The following MED15 variants were observed in gnomAD, a reference collection of about 807,000 sequenced individuals.
The protein encoded by MED15 is mediator complex subunit 15.
A neutral mutation model predicts 118.7 loss-of-function variants in MED15; 41 were observed. The observed-to-expected ratio is 0.35, with a 90% CI of 0.27 to 0.45. MED15 has a LOEUF of 0.45. MED15 is among the 20% of genes least tolerant of loss of function. The pLI is 1.00. For synonymous variants in MED15, 436 were observed against 413.9 expected (o/e 1.05, Z -0.65); for missense variants, 740 against 1,025.5 (o/e 0.72, Z 3.80).
intron 6 of MED15, among the ~76,000 whole-genome samples, chr22:20,565,547 G>A (rs1439694667): frequency 1.3e-5 from 2 of 152,208 alleles, no homozygotes; most frequent in Non-Finnish European, 2.9e-5. Flanking sequence ...CCTCACAGCA[G>A]GTCTTGGTTG....
chr22:20,570,746 CTTTTTTTTTTT>C (rs61109389), intron 8 of MED15, among the ~76,000 whole-genome samples: 25 of 62,106 alleles, frequency 4.0e-4, no homozygotes, highest in South Asian at 1.8e-3. Flanking sequence ...TTCTTTCTTT[CTTTTTTTTTTT>C]TTTTTTTTTT....
At position 20,562,445 on chromosome 22, in the gene MED15, C is replaced by T. The variant is rs1036966709; in HGVS notation, c.452-2005C>T. On this transcript the variant is annotated intron_variant, in intron 5 of 17. Transcript: ENST00000263205. ...TGTCACCCAGGCTGGAGTGCAGTGGCGCGATCTCGGCTCACTGCAACCTCT... is the reference window on the plus strand; with the variant it reads ...TGTCACCCAGGCTGGAGTGCAGTGGTGCGATCTCGGCTCACTGCAACCTCT... Among the ~76,000 whole-genome samples the T allele has an allele frequency of 3.3e-5, 5 of 152,114 alleles. No individual in the cohort carries two copies. The South Asian group carries it at 6.2e-4, about 19-fold the overall frequency.
intron 1 of MED15, among the ~76,000 whole-genome samples, chr22:20,519,255 GGA>G (rs937110559): frequency 7.2e-5 from 11 of 152,166 alleles, no homozygotes; most frequent in African/African-American, 2.6e-4. Flanking sequence ...ACCCCATAAG[GGA>G]GATGTTCGCC....
intron 1 of MED15, among the ~76,000 whole-genome samples, chr22:20,513,310 C>T (rs1168262177): frequency 6.7e-6 from 1 of 149,848 alleles, no homozygotes; most frequent in Non-Finnish European, 1.5e-5. Flanking sequence ...GACGGAGTCT[C>T]GCCCTGTGGC....
intron 8 of MED15, among the ~76,000 whole-genome samples, chr22:20,572,091 C>T (rs1011020201): frequency 6.6e-6 from 1 of 152,154 alleles, no homozygotes; most frequent in Non-Finnish European, 1.5e-5. Context: ...TAATAATTTC[C>T]GATTTTTTGC....
At chr22:20,526,780 A>AC (rs2054661232) in intron 1 of MED15, among the ~76,000 whole-genome samples, 1 of 152,092 alleles carries the variant, frequency 6.6e-6, no homozygotes, top group African/African-American at 2.4e-5. Flanking sequence ...CCCTTCTGGA[A>AC]CCCTCTAGGC....
chr22:20,537,212 C>T lies in MED15; in HGVS notation c.156+8C>T, dbSNP rs781683161. Reference sequence around the variant, plus strand: ...CTGAAGGCCAAGACCCGGGTAAGGCCCTAGTAAGTGGAGCCACTCTGGCAG... The same window carrying T: ...CTGAAGGCCAAGACCCGGGTAAGGCTCTAGTAAGTGGAGCCACTCTGGCAG... On this transcript the variant is annotated splice_region_variant and intron_variant, in intron 2 of 17. Coordinates refer to ENST00000263205, the MANE Select transcript of MED15 (RefSeq NM_001003891.3). 10 of 1,594,964 alleles carry T rather than the reference C, an allele frequency of 6.3e-6. No homozygotes were observed. Among genetic ancestry groups the T allele is most frequent in the Non-Finnish European group, 7.7e-6 (9 of 1,170,878 alleles).
chr22:20,569,190 G>T (rs923380668), intron 8 of MED15, among the ~76,000 whole-genome samples: 13 of 152,194 alleles, frequency 8.5e-5, no homozygotes, highest in African/African-American at 3.1e-4. Context: ...GTCTCTGTGT[G>T]TCACGTGTTA....
chr22:20,581,420 G>A (rs190788778), intron 9 of MED15, among the ~76,000 whole-genome samples: 1 of 152,186 alleles, frequency 6.6e-6, no homozygotes, highest in African/African-American at 2.4e-5. Flanking sequence ...CTTGGGGGGT[G>A]GTGTGAGCCG....
intron 4 of MED15, chr22:20,554,722 C>A: frequency 2.1e-6 from 1 of 475,604 alleles, no homozygotes; most frequent in South Asian, 4.0e-5. Flanking sequence ...CCAGGCCAGG[C>A]TAGAGGTATG....
Position 20,511,988 on chromosome 22 carries a change from C to CTT in MED15, c.68+4258_68+4259dup, listed in dbSNP as rs746240328. 7.4e-4 allele frequency among the ~76,000 whole-genome samples: 68 copies of CTT among 92,186 alleles called. 2 individuals are homozygous for CTT. The highest frequency in any genetic ancestry group is 1.3e-3 in the African/African-American group (25 of 18,560). The allele number at this position is 92,186 out of a possible 152,430, so 60.5% of individuals were successfully genotyped here. ...CTTTCAGCTTCTTGAACATTCTAAG[C>CTT]TTTTTTTTTTTTTTTTTGGAGACAA... On this transcript the variant is annotated intron_variant, in intron 1 of 17. Transcript: ENST00000263205.
intron 2 of MED15, among the ~76,000 whole-genome samples, chr22:20,547,095 G>A (rs2055573716): frequency 6.6e-6 from 1 of 151,788 alleles, no homozygotes; most frequent in East Asian, 1.9e-4. Flanking sequence ...GAATATCTTG[G>A]TTTCTAATAT....
intron 9 of MED15, among the ~76,000 whole-genome samples, chr22:20,575,558 G>T (rs1483072183): frequency 6.6e-6 from 1 of 152,140 alleles, no homozygotes; most frequent in Non-Finnish European, 1.5e-5. Context: ...CTAAGCATGT[G>T]TGGCTGTTTA....
At chr22:20,567,698 G>T (rs2056493772) in intron 7 of MED15, among the ~76,000 whole-genome samples, 1 of 152,122 alleles carries the variant, frequency 6.6e-6, no homozygotes, top group African/African-American at 2.4e-5. Context: ...CTAAGGAAGA[G>T]CCCGCTGCAT....
chr22:20,513,600 C>T (rs2054154409), intron 1 of MED15, among the ~76,000 whole-genome samples: 2 of 152,070 alleles, frequency 1.3e-5, no homozygotes, highest in African/African-American at 4.8e-5. Context: ...TCGTGTCCCT[C>T]ATCAATGAAA....
At chr22:20,525,931 T>G (rs777142016) in intron 1 of MED15, among the ~76,000 whole-genome samples, 5 of 152,024 alleles carry the variant, frequency 3.3e-5, no homozygotes, top group Non-Finnish European at 7.4e-5. Flanking sequence ...AATTTTCTTT[T>G]TTTTTTTGAG....
intron 2 of MED15, among the ~76,000 whole-genome samples, chr22:20,547,789 C>T (rs1303385710): frequency 6.6e-6 from 1 of 152,148 alleles, no homozygotes; most frequent in East Asian, 1.9e-4. Flanking sequence ...CACCACTGCA[C>T]TCCAGCTTGG....
At chr22:20,567,638 G>A (rs1021435796) in intron 7 of MED15, among the ~76,000 whole-genome samples, 1 of 152,138 alleles carries the variant, frequency 6.6e-6, no homozygotes, top group African/African-American at 2.4e-5. Context: ...CTTGTGTGCT[G>A]CATGGTGGAA....
chr22:20,557,559 T>G (rs919192480), intron 5 of MED15, among the ~76,000 whole-genome samples: 3 of 152,156 alleles, frequency 2.0e-5, no homozygotes, highest in African/African-American at 7.2e-5. Flanking sequence ...TCTACTCTTG[T>G]GTACTTGGTG....
Sources: allele counts gnomAD v4.1 joint callset (sites outside exome capture counted in the v4.1 genomes callset), GRCh38; gene constraint gnomAD v4.1.1; transcripts MANE v1.5; gene names NCBI Gene and HGNC (gene_info 2026-07-23, HGNC 2026-07-21).